Variants in STAG1 observed in about 807,000 individuals in gnomAD.
The protein encoded by STAG1 is cohesin subunit SA-1.
STAG1 carries 26 observed loss-of-function variants against 170.9 expected under a neutral mutation model. The ratio of observed to expected loss-of-function variants is 0.15; its 90% confidence interval spans 0.11 to 0.21. The LOEUF (loss-of-function observed/expected upper bound fraction) is 0.21. Among genes scored for constraint, STAG1 ranks in the 10% least tolerant of loss-of-function variants. The pLI is 1.00. For missense variants in STAG1, 964 were observed against 1,509.5 expected (o/e 0.64, Z 5.99); for synonymous variants, 514 against 497.7 (o/e 1.03, Z -0.44).
intron 1 of STAG1, among the ~76,000 whole-genome samples, chr3:136,742,448 T>C (rs1934716279): frequency 6.6e-6 from 1 of 152,116 alleles, no homozygotes; most frequent in Admixed American, 6.5e-5. Flanking sequence ...GCACGGTGGC[T>C]CATGCCTATA....
chr3:136,409,347 A>T (rs1240356042), intron 21 of STAG1, among the ~76,000 whole-genome samples: 1 of 151,894 alleles, frequency 6.6e-6, no homozygotes, highest in Admixed American at 6.6e-5. Context: ...TTCAAATGTG[A>T]CTATTTTTTT....
intron 1 of STAG1, among the ~76,000 whole-genome samples, chr3:136,681,157 T>G (rs1942320933): frequency 6.6e-6 from 1 of 152,174 alleles, no homozygotes; most frequent in African/African-American, 2.4e-5. Flanking sequence ...CACAGTTGGC[T>G]GAATCCACAG....
intron 6 of STAG1, among the ~76,000 whole-genome samples, chr3:136,538,118 C>G (rs1232501787): frequency 6.6e-6 from 1 of 152,146 alleles, no homozygotes; most frequent in Admixed American, 6.5e-5. Flanking sequence ...TTGAAAACCA[C>G]TGTGTGATCA....
chr3:136,543,894 CA>C (rs1018329537), intron 5 of STAG1, among the ~76,000 whole-genome samples: 6 of 152,108 alleles, frequency 3.9e-5, no homozygotes, highest in South Asian at 4.1e-4. Flanking sequence ...TTTGGGCATT[CA>C]TTTTTTTTTC....
chr3:136,572,537 G>A (rs1937300243), intron 4 of STAG1, among the ~76,000 whole-genome samples: 2 of 141,802 alleles, frequency 1.4e-5, no homozygotes, highest in African/African-American at 5.3e-5. Flanking sequence ...GGTTGAGGAG[G>A]AAGCTGCAGT....
At chr3:136,741,653 A>C (rs1406469479) in intron 1 of STAG1, among the ~76,000 whole-genome samples, 1 of 152,114 alleles carries the variant, frequency 6.6e-6, no homozygotes, top group Non-Finnish European at 1.5e-5. Flanking sequence ...TTTTTAGTAG[A>C]GATGGGGTTT....
chr3:136,615,677 C>T (rs189563852), intron 3 of STAG1, among the ~76,000 whole-genome samples: 1,652 of 148,872 alleles, frequency 0.011, 14 homozygotes, highest in Middle Eastern at 0.031. Context: ...ACTTGGGAGG[C>T]TGAGGCAGGG....
chr3:136,395,667 G>A (rs2087128594), intron 22 of STAG1, among the ~76,000 whole-genome samples: 1 of 152,088 alleles, frequency 6.6e-6, no homozygotes, highest in Non-Finnish European at 1.5e-5. Flanking sequence ...AGATTTACAA[G>A]GAGGAATTAA....
At chr3:136,715,069 G>T (rs557247994) in intron 1 of STAG1, among the ~76,000 whole-genome samples, 3 of 142,410 alleles carry the variant, frequency 2.1e-5, no homozygotes, top group Non-Finnish European at 4.5e-5. Context: ...GGAAAGGGAG[G>T]GTACCGTATG....
At chr3:136,367,165 T>C (rs1937106270) in intron 24 of STAG1, 83 bp from the exon 25 acceptor site, 1 of 1,118,886 alleles carries the variant, frequency 8.9e-7, no homozygotes, top group African/African-American at 1.6e-5. Context: ...AATTGAAAAT[T>C]AGCTTAATAT....
intron 9 of STAG1, among the ~76,000 whole-genome samples, chr3:136,477,631 C>A (rs1238428197): frequency 1.3e-5 from 2 of 151,968 alleles, no homozygotes; most frequent in East Asian, 1.9e-4. Flanking sequence ...ACTATTTTGA[C>A]CCAATTACTC....
At chr3:136,725,039 T>C (rs1427520096) in intron 1 of STAG1, among the ~76,000 whole-genome samples, 1 of 152,214 alleles carries the variant, frequency 6.6e-6, no homozygotes, top group African/African-American at 2.4e-5. Context: ...TAAAGTGAAC[T>C]AGAAAGGTTC....
chr3:136,341,153 G>A (rs1316633616), intron 31 of STAG1, among the ~76,000 whole-genome samples: 2 of 151,992 alleles, frequency 1.3e-5, no homozygotes, highest in East Asian at 1.9e-4. Context: ...CAAGTGATCC[G>A]CCCGCCTCGG....
At chr3:136,391,684 C>T (rs1199441209) in intron 22 of STAG1, among the ~76,000 whole-genome samples, 1 of 152,040 alleles carries the variant, frequency 6.6e-6, no homozygotes, top group Non-Finnish European at 1.5e-5. Flanking sequence ...CCATTTTAGC[C>T]CTAACTCTTA....
intron 9 of STAG1, among the ~76,000 whole-genome samples, chr3:136,493,824 C>A (rs1462049549): frequency 1.3e-5 from 2 of 151,938 alleles, no homozygotes; most frequent in Non-Finnish European, 2.9e-5. Flanking sequence ...ACAAATCACA[C>A]AAGAATAAAT....
chr3:136,714,078 T>C (rs1303339389), intron 1 of STAG1, among the ~76,000 whole-genome samples: 1 of 151,798 alleles, frequency 6.6e-6, no homozygotes, highest in East Asian at 1.9e-4. Flanking sequence ...AGGTGGCTCA[T>C]GCTCAGGAAG....
chr3:136,417,937 T>C lies in STAG1; in HGVS notation c.2144A>G (p.Asn715Ser), dbSNP rs775858881. 1 of 1,614,020 alleles carries C rather than the reference T, an allele frequency of 6.2e-7. No homozygotes were observed. Among genetic ancestry groups the C allele is most frequent in the Non-Finnish European group, 8.5e-7 (1 of 1,179,914 alleles). The change falls in exon 21 of 34, where the codon AAT becomes AGT. Residue 715 changes from asparagine (N) to serine (S), a missense_variant. Physicochemically the swap from Asn to Ser is conservative, Grantham distance 46. Around this residue, in one of 11 missense-constraint regions of STAG1, gnomAD observed 232 missense variants for 313.0 expected, o/e 0.74. Coordinates refer to ENST00000383202, the MANE Select transcript of STAG1 (RefSeq NM_005862.3). ...HDLTKWDLFG[N>S]CYRLLKTGIE... ...TCCAGTCTTCAATAATCTGTAGCAA[T>C]TACCAAAGAGATCCCATTTTGTGAG...
chr3:136,393,424 T>C (rs1361677461), intron 22 of STAG1, among the ~76,000 whole-genome samples: 1 of 152,028 alleles, frequency 6.6e-6, no homozygotes, highest in East Asian at 1.9e-4. Context: ...GGAGAATCCT[T>C]TGAACCTGGG....
chr3:136,663,813 T>TC (rs1941661554), intron 1 of STAG1, among the ~76,000 whole-genome samples: 1 of 152,044 alleles, frequency 6.6e-6, no homozygotes, highest in South Asian at 2.1e-4. Flanking sequence ...GGAAAAAAAC[T>TC]CCACTCTCAG....
Sources: gnomAD v4.1 joint callset for allele counts (sites outside exome capture counted in the v4.1 genomes callset) on GRCh38, gnomAD v4.1.1 for gene constraint, gnomAD v4.1.1 regional missense constraint, MANE v1.5 for transcripts, NCBI Gene and HGNC (gene_info 2026-07-23, HGNC 2026-07-21) for gene names.